The following COX8C variants were observed in gnomAD, a reference collection of about 807,000 sequenced individuals.
COX8C encodes cytochrome c oxidase subunit 8C.
In COX8C, 3 loss-of-function variants were observed where a neutral mutation model predicts 3.5. The observed-to-expected ratio is 0.86, with a 90% CI of 0.39 to 2.24. The LOEUF is 2.24. COX8C is among the 30% of genes most tolerant of loss of function. The pLI is 0.05. For synonymous variants in COX8C, 46 were observed against 44.1 expected, an observed-to-expected ratio of 1.04 and a Z score of -0.17; for missense variants, 113 against 102.5, an observed-to-expected ratio of 1.10 and a Z score of -0.44.
In COX8C at chr14:93,348,108, C is replaced by T. The variant is rs2053905181; in HGVS notation, c.207C>T (p.Phe69=). The T allele has an allele frequency of 1.9e-6, 3 of 1,599,920 alleles. No individual in the cohort carries two copies. Among genetic ancestry groups the T allele is most frequent in the Non-Finnish European group, 2.6e-6 (3 of 1,167,150 alleles). Residue 69 remains phenylalanine (F), a synonymous_variant, in exon 2 of 2, where the codon TTC becomes TTT. Transcript: ENST00000342144. ...AAYVLGNLKQ[F]RRN The stretch of plus-strand genomic sequence containing the variant: ...ATGTGCTAGGCAACCTGAAGCAGTT[C>T]AGAAGGAATTAGATGGAAGATGATG...
In COX8C at chr14:93,347,366, C is replaced by G; in HGVS notation, c.98C>G (p.Pro33Arg). The G allele has an allele frequency of 6.4e-7, 1 of 1,572,350 alleles. No homozygotes were observed. Among genetic ancestry groups the G allele is most frequent in the Non-Finnish European group, 8.6e-7 (1 of 1,165,288 alleles). The change falls in exon 1 of 2, where the codon CCC (proline) becomes CGC (arginine). Residue 33 changes from proline (P) to arginine (R), a missense_variant. Physicochemically the swap from Pro to Arg is moderately radical, Grantham distance 103. Coordinates refer to ENST00000342144, the MANE Select transcript of COX8C (RefSeq NM_182971.3). ...GCTCCCCGCTTCGCCCACTCGGGGC[C>G]CCCGCGCCAGCGGCCCCTGTCTGCC... ...QPAPRFAHSG[P>R]PRQRPLSAAE...
chr14:93,347,527 G>T, intron 1 of COX8C, 133 bp downstream of exon 1: 9 of 1,127,616 alleles, frequency 8.0e-6, no homozygotes, highest in Non-Finnish European at 1.1e-5. Context: ...GTCGCCGTTG[G>T]GGGAGGTTCC....
rs2053910705 is a variant in COX8C, at chr14:93,348,280, G to A, written c.*160G>A. On this transcript the variant is annotated 3_prime_UTR_variant, in exon 2 of 2. Coordinates refer to ENST00000342144, the MANE Select transcript of COX8C (RefSeq NM_182971.3). Reference sequence around the variant, plus strand: ...ATATTTTGCACTTTTTTAGTACTGTGCATTATATAGATGTATAGTCAAAAA... The same window carrying A: ...ATATTTTGCACTTTTTTAGTACTGTACATTATATAGATGTATAGTCAAAAA... 1 of 571,610 alleles carries A rather than the reference G, an allele frequency of 1.7e-6. No homozygotes were observed. The highest frequency in any genetic ancestry group is 2.7e-4 in the Middle Eastern group (1 of 3,640). The allele number at this position is 571,610 out of a possible 1,614,324, so 35.4% of individuals were successfully genotyped here. A position where few individuals can be genotyped will look rare whatever the true frequency, so the allele number is the denominator to read the frequency against.
rs1405606802 is a variant in COX8C at position 93,348,086 on chromosome 14, TGCTAG to T, written c.188_192del (p.Leu63GlnfsTer13). On this transcript the variant is annotated frameshift_variant, in exon 2 of 2. Transcript: ENST00000342144. LOFTEE classifies it high-confidence loss of function. ...ACCTTCTTAACACCAGCTGCATATGTGCTAGGCAACCTGAAGCAGTTCAGAAGGAA... is the reference window on the plus strand; with the variant it reads ...ACCTTCTTAACACCAGCTGCATATGTGCAACCTGAAGCAGTTCAGAAGGAA... 2 of 1,611,904 alleles carry T rather than the reference TGCTAG, an allele frequency of 1.2e-6. No individual in the cohort carries two copies. Among genetic ancestry groups the T allele is most frequent in the South Asian group, 1.1e-5 (1 of 91,040 alleles).
chr14:93,347,922 CAA>C, intron 1 of COX8C, 104 bp from the exon 2 acceptor site: 1 of 660,438 alleles, frequency 1.5e-6, no homozygotes, highest in South Asian at 1.9e-5. Context: ...GTTTCTAGGA[CAA>C]CGGTCTAGGT....
rs1168961212 is a variant in COX8C at position 93,347,250 on chromosome 14, T to G, written c.-19T>G. 6.3e-7 allele frequency: 1 copy of G among 1,589,676 alleles called. No homozygotes were observed. The highest frequency in any genetic ancestry group is 1.1e-5 in the South Asian group (1 of 88,708). ...TCACCTGTGCTGTCCACGCCTGGCT[T>G]TGTCTCACCTGACGCGATATGCCTC... On this transcript the variant is annotated 5_prime_UTR_variant, in exon 1 of 2. Coordinates refer to ENST00000342144, the MANE Select transcript of COX8C (RefSeq NM_182971.3).
chr14:93,348,283 T>G lies in COX8C; in HGVS notation c.*163T>G, dbSNP rs985549675. On this transcript the variant is annotated 3_prime_UTR_variant, in exon 2 of 2. Transcript: ENST00000342144. ...TTTTGCACTTTTTTAGTACTGTGCATTATATAGATGTATAGTCAAAAATGT... is the reference window on the plus strand; with the variant it reads ...TTTTGCACTTTTTTAGTACTGTGCAGTATATAGATGTATAGTCAAAAATGT... The G allele has an allele frequency of 2.1e-5, 12 of 570,846 alleles. No homozygotes were observed. Among genetic ancestry groups the G allele is most frequent in the African/African-American group, 1.9e-4 (10 of 53,362 alleles). The allele number at this position is 570,846 out of a possible 1,614,324, so 35.4% of individuals were successfully genotyped here.
rs2053909365 is a variant in COX8C, at chr14:93,348,223, TGTG to T, written c.*106_*108del. ...TGCCTAGTTGAGTTGATGCAACCAT[TGTG>T]GTATTCACTTTCCTCATGTTTATGA... On this transcript the variant is annotated 3_prime_UTR_variant, in exon 2 of 2. Coordinates refer to ENST00000342144, the MANE Select transcript of COX8C (RefSeq NM_182971.3). The T allele has an allele frequency of 1.4e-6, 1 of 706,634 alleles. No homozygotes were observed. Among genetic ancestry groups the T allele is most frequent in the South Asian group, 1.6e-5 (1 of 63,976 alleles). The allele number at this position is 706,634 out of a possible 1,614,324, so 43.8% of individuals were successfully genotyped here.
In COX8C at chr14:93,347,974, A is replaced by G. The variant is rs376716632; in HGVS notation, c.127-54A>G. ...TTTTAAGCACTTTTTGTTAGGCAGC[A>G]AGTCACTGGCCTAGGAAGCCATACT... On this transcript the variant is annotated intron_variant, in intron 1 of 1. Coordinates refer to ENST00000342144, the MANE Select transcript of COX8C (RefSeq NM_182971.3). 7.9e-4 allele frequency: 847 copies of G among 1,068,560 alleles called. 2 individuals carry two copies. In the African/African-American group the frequency reaches 9.2e-3, roughly 12 times the overall value. 66.2% of individuals were successfully genotyped at this position (1,068,560 alleles called of 1,614,324 possible).
rs780349352 is a variant in COX8C at position 93,348,104 on chromosome 14, A to G, written c.203A>G (p.Gln68Arg). 14 of 1,603,286 alleles carry G rather than the reference A, an allele frequency of 8.7e-6. No individual in the cohort carries two copies. In the South Asian group the frequency reaches 1.5e-4, roughly 18 times the overall value. Residue 68 changes from glutamine to arginine, a missense_variant, in exon 2 of 2, where the codon CAG becomes CGG. Gln to Arg is a conservative substitution (Grantham distance 43). Coordinates refer to ENST00000342144, the MANE Select transcript of COX8C (RefSeq NM_182971.3). Reference sequence around the variant, plus strand: ...GCATATGTGCTAGGCAACCTGAAGCAGTTCAGAAGGAATTAGATGGAAGAT... The same window carrying G: ...GCATATGTGCTAGGCAACCTGAAGCGGTTCAGAAGGAATTAGATGGAAGAT... ...PAAYVLGNLK[Q>R]FRRN is the part of the protein sequence containing the mutation.
Position 93,348,179 on chromosome 14 carries a change from TTTTG to T in COX8C, c.*62_*65del. ...AAAAAACTTTCAGAAAAAGCTGTGT[TTTTG>T]TTAACGAGCAAAATTGCCTAGTTGA... On this transcript the variant is annotated 3_prime_UTR_variant, in exon 2 of 2. Coordinates refer to ENST00000342144, the MANE Select transcript of COX8C (RefSeq NM_182971.3). 1.8e-6 allele frequency: 2 copies of T among 1,082,888 alleles called. No homozygotes were observed. Among genetic ancestry groups the T allele is most frequent in the Non-Finnish European group, 2.9e-6 (2 of 700,858 alleles). 67.1% of individuals were successfully genotyped at this position (1,082,888 alleles called of 1,614,324 possible).
In COX8C at chr14:93,348,139, C is replaced by G; in HGVS notation, c.*19C>G. On this transcript the variant is annotated 3_prime_UTR_variant, in exon 2 of 2. Coordinates refer to ENST00000342144, the MANE Select transcript of COX8C (RefSeq NM_182971.3). ...GAATTAGATGGAAGATGATGTTGAACAGCTGTTAACGTCCAAAAAACTTTC... is the reference window on the plus strand; with the variant it reads ...GAATTAGATGGAAGATGATGTTGAAGAGCTGTTAACGTCCAAAAAACTTTC... The G allele has an allele frequency of 6.8e-7, 1 of 1,466,868 alleles. No homozygotes were observed. Among genetic ancestry groups the G allele is most frequent in the South Asian group, 1.1e-5 (1 of 87,126 alleles). The allele number at this position is 1,466,868 out of a possible 1,614,324, so 90.9% of individuals were successfully genotyped here.
At position 93,347,191 on chromosome 14, in the gene COX8C, A is replaced by T; in HGVS notation, c.-78A>T. 1 of 1,481,138 alleles carries T rather than the reference A, an allele frequency of 6.8e-7. No homozygotes were observed. The highest frequency in any genetic ancestry group is 1.3e-5 in the South Asian group (1 of 75,474). 91.7% of individuals were successfully genotyped at this position (1,481,138 alleles called of 1,614,324 possible). On this transcript the variant is annotated 5_prime_UTR_variant, in exon 1 of 2. Coordinates refer to ENST00000342144, the MANE Select transcript of COX8C (RefSeq NM_182971.3). ...GGCGCCTGCGCAAACCAGCTGCCTC[A>T]CGAGCACTGGAGCTTGCGTTACTTG... is the stretch of plus-strand genomic sequence containing the variant.
At position 93,347,183 on chromosome 14, in the gene COX8C, G is replaced by C; in HGVS notation, c.-86G>C. 6.8e-7 allele frequency: 1 copy of C among 1,463,202 alleles called. No individual in the cohort carries two copies. The highest frequency in any genetic ancestry group is 9.1e-7 in the Non-Finnish European group (1 of 1,098,500). 90.6% of individuals were successfully genotyped at this position (1,463,202 alleles called of 1,614,324 possible). A position where few individuals can be genotyped will look rare whatever the true frequency, so the allele number is the denominator to read the frequency against. Reference sequence around the variant, plus strand: ...GTGGCTGGGGCGCCTGCGCAAACCAGCTGCCTCACGAGCACTGGAGCTTGC... The same window carrying C: ...GTGGCTGGGGCGCCTGCGCAAACCACCTGCCTCACGAGCACTGGAGCTTGC... On this transcript the variant is annotated 5_prime_UTR_variant, in exon 1 of 2. Transcript: ENST00000342144.
Position 93,347,220 on chromosome 14 carries a change from T to C in COX8C, c.-49T>C. On this transcript the variant is annotated 5_prime_UTR_variant, in exon 1 of 2. Coordinates refer to ENST00000342144, the MANE Select transcript of COX8C (RefSeq NM_182971.3). ...GCACTGGAGCTTGCGTTACTTGGCC[T>C]CACCTCACCTGTGCTGTCCACGCCT... 6.5e-7 allele frequency: 1 copy of C among 1,530,182 alleles called. No homozygotes were observed. Among genetic ancestry groups the C allele is most frequent in the East Asian group, 2.4e-5 (1 of 42,172 alleles). The allele number at this position is 1,530,182 out of a possible 1,614,324, so 94.8% of individuals were successfully genotyped here.
chr14:93,348,051 GT>G lies in COX8C; in HGVS notation c.156del (p.Phe52LeufsTer5). The G allele has an allele frequency of 6.2e-7, 1 of 1,612,412 alleles. No homozygotes were observed. Among genetic ancestry groups the G allele is most frequent in the South Asian group, 1.1e-5 (1 of 91,032 alleles). On this transcript the variant is annotated frameshift_variant, in exon 2 of 2. Transcript: ENST00000342144. LOFTEE classifies it low-confidence loss of function (END_TRUNC). ...AGGAAATGGCTGTTGGACTTGTGGT[GT>G]TTTTTACGACCTTCTTAACACCAGC... Reference protein sequence around the residue: ...AAEMAVGLVVFFTTFLTPAAY... With the variant: ...AAEMAVGLVVXFTTFLTPAAY...
rs918886850 is a variant in COX8C at position 93,347,453 on chromosome 14, C to A, written c.126+59C>A. On this transcript the variant is annotated intron_variant, in intron 1 of 1. Coordinates refer to ENST00000342144, the MANE Select transcript of COX8C (RefSeq NM_182971.3). ...AAGCGCGTGGCCCTGGCGGGGCGCC[C>A]CGACGGGTGGGGAGAAGGGAGGACA... The A allele has an allele frequency of 1.7e-5, 23 of 1,390,250 alleles. No individual in the cohort carries two copies. The Admixed American group carries it at 2.6e-4, about 16-fold the overall frequency. The allele number at this position is 1,390,250 out of a possible 1,614,324, so 86.1% of individuals were successfully genotyped here. A position where few individuals can be genotyped will look rare whatever the true frequency, so the allele number is the denominator to read the frequency against.
chr14:93,348,038 T>C lies in COX8C; in HGVS notation c.137T>C (p.Val46Ala). 2 of 1,608,818 alleles carry C rather than the reference T, an allele frequency of 1.2e-6. No homozygotes were observed. The highest frequency in any genetic ancestry group is 1.7e-6 in the Non-Finnish European group (2 of 1,175,272). ...QRPLSAAEMA[V>A]GLVVFFTTFL... ...CATCTTCTCTTCCAGGAAATGGCTG[T>C]TGGACTTGTGGTGTTTTTTACGACC... The change falls in exon 2 of 2, where the codon GTT (valine) becomes GCT (alanine). Residue 46 changes from valine to alanine, a missense_variant. By Grantham distance (64) the Val-to-Ala change is moderately conservative (BLOSUM62 0). Transcript: ENST00000342144.
intron 1 of COX8C, among the ~76,000 whole-genome samples, chr14:93,347,734 G>A (rs902402555): frequency 1.3e-4 from 20 of 152,148 alleles, no homozygotes; most frequent in African/African-American, 4.6e-4. Context: ...ATCCTCGGAC[G>A]TCCTCGGCAC....
Sources: gnomAD v4.1 joint callset for allele counts (sites outside exome capture counted in the v4.1 genomes callset) on GRCh38, gnomAD v4.1.1 for gene constraint, MANE v1.5 for transcripts, NCBI Gene and HGNC (gene_info 2026-07-23, HGNC 2026-07-21) for gene names.